RMDN2: variants seen among roughly 807,000 people sequenced by gnomAD.
The protein encoded by RMDN2 is regulator of microtubule dynamics protein 2.
Under a neutral mutation model 52.8 loss-of-function variants are expected in RMDN2, and 61 were observed. The observed-to-expected ratio is 1.16, with a 90% CI of 0.94 to 1.43. The LOEUF is 1.43. Among genes scored for constraint, RMDN2 ranks in the 40% most tolerant of loss-of-function variants. The pLI, the probability that RMDN2 is intolerant of heterozygous loss-of-function variation, is 0.00. For synonymous variants in RMDN2, 180 were observed against 153.1 expected, an observed-to-expected ratio of 1.18 and a Z score of -1.30; for missense variants, 592 against 475.3, an observed-to-expected ratio of 1.25 and a Z score of -2.28.
At chr2:37,960,136 G>C (rs1670010845) in intron 2 of RMDN2, among the ~76,000 whole-genome samples, 1 of 152,150 alleles carries the variant, frequency 6.6e-6, no homozygotes, top group Non-Finnish European at 1.5e-5. Context: ...GGGGTGGAGA[G>C]TTCTGTAGAT....
Position 37,975,550 on chromosome 2 carries a change from C to T in RMDN2, c.730+236C>T, listed in dbSNP as rs1045551999. 5.3e-5 allele frequency among the ~76,000 whole-genome samples: 8 copies of T among 152,010 alleles called. No homozygotes were observed. The East Asian group carries it at 1.4e-3, about 26-fold the overall frequency. On this transcript the variant is annotated intron_variant, in intron 4 of 10. Transcript: ENST00000354545. Reference sequence around the variant, plus strand: ...GGGAGGGGAACATCACACAACAGGGCCTGTCTTGGGGTGGGAGGCTAGGGG... The same window carrying T: ...GGGAGGGGAACATCACACAACAGGGTCTGTCTTGGGGTGGGAGGCTAGGGG...
At position 37,929,344 on chromosome 2, in the gene RMDN2, C is replaced by T; in HGVS notation, c.67C>T (p.Leu23=). ...GGTGGGCACTGCTGGAATCAGCTTG[C>T]TGCTCTTGTGGTACCACAAGGTCCG... ...IMVGTAGISL[L]LLWYHKVRKP... is the part of the protein sequence containing the mutation. Residue 23 remains leucine, a synonymous_variant, in exon 2 of 11, where the codon CTG becomes TTG. Coordinates refer to ENST00000354545, the MANE Select transcript of RMDN2 (RefSeq NM_001170791.3). 1 of 1,551,896 alleles carries T rather than the reference C, an allele frequency of 6.4e-7. No individual in the cohort carries two copies. Among genetic ancestry groups the T allele is most frequent in the Non-Finnish European group, 8.7e-7 (1 of 1,146,918 alleles).
Position 37,929,254 on chromosome 2 carries a change from A to G in RMDN2, c.-16-8A>G, listed in dbSNP as rs1267172983. On this transcript the variant is annotated splice_region_variant and splice_polypyrimidine_tract_variant and intron_variant, in intron 1 of 10. Transcript: ENST00000354545. Reference sequence around the variant, plus strand: ...AACATTCATTTACATTTATGTTTTTAATTTTAGAAACGAAAACCAAGAAAT... The same window carrying G: ...AACATTCATTTACATTTATGTTTTTGATTTTAGAAACGAAAACCAAGAAAT... The G allele has an allele frequency of 2.9e-5, 41 of 1,433,844 alleles. No individual in the cohort carries two copies. The highest frequency in any genetic ancestry group is 3.8e-5 in the Non-Finnish European group (41 of 1,069,274). The allele number at this position is 1,433,844 out of a possible 1,614,324, so 88.8% of individuals were successfully genotyped here. A position where few individuals can be genotyped will look rare whatever the true frequency, so the allele number is the denominator to read the frequency against.
At chr2:38,006,862 A>G (rs1677169714) in intron 10 of RMDN2, among the ~76,000 whole-genome samples, 1 of 152,126 alleles carries the variant, frequency 6.6e-6, no homozygotes. Flanking sequence ...AGCTCTTATT[A>G]TTTTGAGATA....
At chr2:37,953,265 G>T (rs1026303415) in intron 2 of RMDN2, among the ~76,000 whole-genome samples, 1 of 151,814 alleles carries the variant, frequency 6.6e-6, no homozygotes, top group Non-Finnish European at 1.5e-5. Flanking sequence ...TCACATTGTT[G>T]TACAGCCATC....
At chr2:37,993,108 A>G (rs1322097305) in intron 7 of RMDN2, among the ~76,000 whole-genome samples, 6 of 152,120 alleles carry the variant, frequency 3.9e-5, no homozygotes, top group East Asian at 1.9e-4. Context: ...TATTTTTAGT[A>G]GAGACGGAGT....
At chr2:38,037,399 T>C (rs1308859256) in intron 10 of RMDN2, among the ~76,000 whole-genome samples, 2 of 152,246 alleles carry the variant, frequency 1.3e-5, no homozygotes, top group Non-Finnish European at 2.9e-5. Flanking sequence ...AAGAACTTGG[T>C]GAAGACTTGC....
rs147499650 is a variant in RMDN2 at position 38,004,136 on chromosome 2, T to G, written c.1099T>G (p.Cys367Gly). The G allele has an allele frequency of 5.2e-5, 84 of 1,613,270 alleles. No homozygotes were observed. Among genetic ancestry groups the G allele is most frequent in the Non-Finnish European group, 7.0e-5 (83 of 1,179,426 alleles). ...SNPNYMYLAKCYTDLEENQNA... is the reference protein window; with the variant it reads ...SNPNYMYLAKGYTDLEENQNA... Reference sequence around the variant, plus strand: ...AATATTGGTTATTTCTCATTTCCAGTGTTATACTGATCTTGAGGAAAACCA... The same window carrying G: ...AATATTGGTTATTTCTCATTTCCAGGGTTATACTGATCTTGAGGAAAACCA... The change falls in exon 10 of 11, where the codon TGT (cysteine) becomes GGT (glycine). Residue 367 changes from cysteine (C) to glycine (G), a missense_variant and splice_region_variant. Transcript: ENST00000354545.
chr2:38,038,686 A>G (rs914845171), intron 10 of RMDN2, among the ~76,000 whole-genome samples: 1 of 152,212 alleles, frequency 6.6e-6, no homozygotes, highest in African/African-American at 2.4e-5. Context: ...GCAGGCACCC[A>G]GTAAAAGCCT....
chr2:37,974,120 A>C lies in RMDN2; in HGVS notation c.533A>C (p.Asn178Thr). Reference protein sequence around the residue: ...KAFNTRVEELNLDVLLQKVDH... With the variant: ...KAFNTRVEELTLDVLLQKVDH... ...TTTAACACACGTGTAGAGGAATTAAATTTAGATGTCCTTCTTCAGAAGGTA... is the reference window on the plus strand; with the variant it reads ...TTTAACACACGTGTAGAGGAATTAACTTTAGATGTCCTTCTTCAGAAGGTA... The change falls in exon 3 of 11, where the codon AAT becomes ACT. Residue 178 changes from asparagine (N) to threonine (T), a missense_variant. Physicochemically the swap from Asn to Thr is moderately conservative, Grantham distance 65. Coordinates refer to ENST00000354545, the MANE Select transcript of RMDN2 (RefSeq NM_001170791.3). 6.2e-7 allele frequency: 1 copy of C among 1,613,376 alleles called. No individual in the cohort carries two copies. The highest frequency in any genetic ancestry group is 1.7e-5 in the Admixed American group (1 of 59,988).
intron 10 of RMDN2, among the ~76,000 whole-genome samples, chr2:38,060,842 A>G (rs1302139028): frequency 6.6e-6 from 1 of 152,140 alleles, no homozygotes; most frequent in East Asian, 1.9e-4. Flanking sequence ...ACACCAGGGG[A>G]TGGGAGATCC....
intron 7 of RMDN2, among the ~76,000 whole-genome samples, chr2:37,996,007 T>C (rs1675485084): frequency 1.3e-5 from 2 of 152,188 alleles, no homozygotes; most frequent in African/African-American, 4.8e-5. Context: ...GATTAGCATC[T>C]TTTAAATTTG....
chr2:38,046,085 C>A (rs1681256271), intron 10 of RMDN2, among the ~76,000 whole-genome samples: 1 of 152,192 alleles, frequency 6.6e-6, no homozygotes, highest in Admixed American at 6.5e-5. Flanking sequence ...GGCTACGCAT[C>A]CACTCAGACC....
chr2:37,986,556 C>G (rs1055559270), intron 5 of RMDN2, among the ~76,000 whole-genome samples: 5 of 152,040 alleles, frequency 3.3e-5, no homozygotes, highest in Non-Finnish European at 5.9e-5. Context: ...CAGATTGAAT[C>G]TGACAATGTG....
intron 2 of RMDN2, among the ~76,000 whole-genome samples, chr2:37,966,746 G>A (rs1236327079): frequency 6.6e-6 from 1 of 152,014 alleles, no homozygotes; most frequent in Non-Finnish European, 1.5e-5. Context: ...TATCATATGA[G>A]AGGGTCTTCA....
chr2:37,960,502 T>A (rs1670066914), intron 2 of RMDN2, among the ~76,000 whole-genome samples: 2 of 152,192 alleles, frequency 1.3e-5, no homozygotes, highest in African/African-American at 4.8e-5. Context: ...TGATAAATAT[T>A]CCTCCATCCC....
chr2:37,944,794 C>T (rs6544117), intron 2 of RMDN2, among the ~76,000 whole-genome samples: 127,398 of 152,072 alleles, frequency 0.84, 53,792 homozygotes, highest in African/African-American at 0.93. Context: ...GGTATCAGGT[C>T]CAGAGAACAT....
Position 37,989,629 on chromosome 2 carries a change from T to C in RMDN2, c.867+13T>C, listed in dbSNP as rs1415497859. 2 of 1,561,990 alleles carry C rather than the reference T, an allele frequency of 1.3e-6. No homozygotes were observed. The highest frequency in any genetic ancestry group is 2.2e-5 in the East Asian group (1 of 44,508). On this transcript the variant is annotated intron_variant, in intron 6 of 10. Transcript: ENST00000354545. ...GCACCTCTTCAAGGTATTTCTTTTT[T>C]TTTTTTCATATTTCTTTTCAGATCC... is the stretch of plus-strand genomic sequence containing the variant.
At chr2:37,982,309 T>C (rs1673430288) in intron 5 of RMDN2, among the ~76,000 whole-genome samples, 1 of 152,166 alleles carries the variant, frequency 6.6e-6, no homozygotes, top group African/African-American at 2.4e-5. Flanking sequence ...TCACAAACTC[T>C]CACTTAAAAT....
Sources: gnomAD v4.1 joint callset for allele counts (sites outside exome capture counted in the v4.1 genomes callset) on GRCh38, gnomAD v4.1.1 for gene constraint, MANE v1.5 for transcripts, NCBI Gene and HGNC (gene_info 2026-07-23, HGNC 2026-07-21) for gene names.